Variants in SLC2A9 observed in about 807,000 individuals in gnomAD.
SLC2A9 encodes the protein solute carrier family 2, facilitated glucose transporter member 9.
Under a neutral mutation model 50.6 loss-of-function variants are expected in SLC2A9, and 39 were observed. The ratio of observed to expected loss-of-function variants is 0.77; its 90% CI spans 0.60 to 1.01. SLC2A9 has a LOEUF of 1.01. Among genes scored for constraint, SLC2A9 ranks in the 50% least tolerant of loss-of-function variants. The pLI is 0.00. For synonymous variants in SLC2A9, 324 were observed against 276.9 expected (o/e 1.17, Z -1.69); for missense variants, 686 against 677.6 (o/e 1.01, Z -0.14).
chr4:9,785,935 G>C (rs185006790), intron 3 of SLC2A9, among the ~76,000 whole-genome samples: 49 of 152,268 alleles, frequency 3.2e-4, no homozygotes, highest in Non-Finnish European at 6.5e-4. Context: ...GGTCAGGGGA[G>C]GACTTTCCAA....
intron 1 of SLC2A9, chr4:10,034,092 T>C (rs2109594980): frequency 6.6e-6 from 1 of 152,414 alleles, no homozygotes; most frequent in East Asian, 1.9e-4. Context: ...GAACGTCCCG[T>C]GCTGGATCGG....
At chr4:9,948,460 T>C (rs528505442) in intron 5 of SLC2A9, among the ~76,000 whole-genome samples, 17 of 152,226 alleles carry the variant, frequency 1.1e-4, no homozygotes, top group Non-Finnish European at 2.4e-4. Context: ...CAGTGAATGG[T>C]GGTGCATGGC....
intron 5 of SLC2A9, among the ~76,000 whole-genome samples, chr4:9,966,587 C>T (rs891297685): frequency 2.9e-5 from 4 of 136,280 alleles, no homozygotes; most frequent in South Asian, 2.2e-4. Flanking sequence ...ACCTGGGAGG[C>T]GGGGGTTGAG....
rs10939561 is a variant in SLC2A9, at chr4:9,849,918, T to A, written c.1292-14910A>T. Among the ~76,000 whole-genome samples the A allele has an allele frequency of 2.6e-5, 4 of 151,394 alleles. No individual in the cohort carries two copies. The East Asian group carries it at 5.9e-4, about 22-fold the overall frequency. On this transcript the variant is annotated intron_variant, in intron 10 of 11. Transcript: ENST00000264784. ...ATTCTTCCTTTTTGGATGAGCATGGTGCTGGGAGGGGGTGTTGAAATAGAA... is the reference window on the plus strand; with the variant it reads ...ATTCTTCCTTTTTGGATGAGCATGGAGCTGGGAGGGGGTGTTGAAATAGAA...
intron 1 of SLC2A9, 111 bp from the exon 2 acceptor site, chr4:10,019,184 T>C: frequency 4.6e-6 from 4 of 862,008 alleles, no homozygotes; most frequent in Non-Finnish European, 7.6e-6. Flanking sequence ...GAGAAGTCTT[T>C]GTCCTTGGCT....
upstream of SLC2A9, chr4:10,025,986 GA>G (rs750681563): frequency 6.2e-7 from 1 of 1,613,220 alleles, no homozygotes; most frequent in Admixed American, 1.7e-5. Flanking sequence ...TTCAGGTTTT[GA>G]ACTTTTGTTG....
intron 5 of SLC2A9, among the ~76,000 whole-genome samples, chr4:9,979,841 T>C (rs1297704003): frequency 6.6e-6 from 1 of 152,164 alleles, no homozygotes; most frequent in African/African-American, 2.4e-5. Context: ...CACAGCCATC[T>C]GAGTTCTTTC....
At chr4:9,921,192 G>A (rs1003588181) in intron 6 of SLC2A9, among the ~76,000 whole-genome samples, 10 of 152,138 alleles carry the variant, frequency 6.6e-5, no homozygotes, top group African/African-American at 1.2e-4. Context: ...GAAAACTTGA[G>A]TGGAAATAGT....
At chr4:9,916,439 C>A (rs1742861804) in intron 7 of SLC2A9, among the ~76,000 whole-genome samples, 1 of 152,144 alleles carries the variant, frequency 6.6e-6, no homozygotes, top group Admixed American at 6.5e-5. Flanking sequence ...ACCAAGACTG[C>A]ATATCAGGAA....
chr4:9,899,097 CTCTT>C (rs1739126308), intron 8 of SLC2A9, among the ~76,000 whole-genome samples: 1 of 152,208 alleles, frequency 6.6e-6, no homozygotes, highest in Non-Finnish European at 1.5e-5. Context: ...ACAACTGAGA[CTCTT>C]TCAGAGAGAA....
upstream of SLC2A9, chr4:10,025,702 A>T: frequency 1.7e-6 from 1 of 583,986 alleles, no homozygotes; most frequent in East Asian, 2.9e-5. Flanking sequence ...AGGACTGTCA[A>T]TTTCACTCTT....
intron 10 of SLC2A9, among the ~76,000 whole-genome samples, chr4:9,878,101 C>T (rs539819979): frequency 6.9e-4 from 105 of 152,152 alleles, no homozygotes; most frequent in East Asian, 6.2e-3. Flanking sequence ...CTTTTATCTT[C>T]AACTCCCAGC....
chr4:9,883,651 G>A (rs1577687090), intron 10 of SLC2A9, among the ~76,000 whole-genome samples: 1 of 152,352 alleles, frequency 6.6e-6, no homozygotes, highest in East Asian at 1.9e-4. Context: ...ACAGGACAGA[G>A]CCTGGGAAGC....
At chr4:9,884,118 G>A (rs1735734393) in intron 10 of SLC2A9, among the ~76,000 whole-genome samples, 1 of 152,210 alleles carries the variant, frequency 6.6e-6, no homozygotes, top group Non-Finnish European at 1.5e-5. Context: ...GTGAGACATG[G>A]ATTTCTATTG....
At chr4:9,887,800 G>A (rs1233733617) in intron 9 of SLC2A9, among the ~76,000 whole-genome samples, 158 bp from the exon 10 acceptor site, 2 of 152,148 alleles carry the variant, frequency 1.3e-5, no homozygotes, top group Non-Finnish European at 2.9e-5. Context: ...TGGGAACAAT[G>A]ATAACCCTTC....
intron 4 of SLC2A9, among the ~76,000 whole-genome samples, chr4:9,982,826 C>T (rs189122148): frequency 2.6e-5 from 4 of 152,354 alleles, no homozygotes; most frequent in Admixed American, 2.6e-4. Flanking sequence ...TGGAACTACA[C>T]TAAGTACTTC....
intron 5 of SLC2A9, among the ~76,000 whole-genome samples, chr4:9,957,308 T>C (rs370128459): frequency 5.5e-4 from 83 of 152,108 alleles, no homozygotes; most frequent in African/African-American, 1.9e-3. Flanking sequence ...AATCCAAACC[T>C]CCAAAGAGAA....
chr4:9,941,834 T>C lies in SLC2A9; in HGVS notation c.814+79A>G, dbSNP rs1351151158. ...ATGACAACACCCCTTCCTGTGCCCATTGGCCCAGGTCCCAGCATGCCTTGC... is the reference window on the plus strand; with the variant it reads ...ATGACAACACCCCTTCCTGTGCCCACTGGCCCAGGTCCCAGCATGCCTTGC... On this transcript the variant is annotated intron_variant, in intron 6 of 11. Transcript: ENST00000264784. 2.5e-5 allele frequency: 40 copies of C among 1,596,872 alleles called. No homozygotes were observed. The South Asian group carries it at 4.0e-4, about 16-fold the overall frequency.
At chr4:9,853,867 A>T (rs576582711) in intron 10 of SLC2A9, among the ~76,000 whole-genome samples, 2 of 152,338 alleles carry the variant, frequency 1.3e-5, no homozygotes, top group South Asian at 4.1e-4. Context: ...AATTACATGA[A>T]AATTAAACAA....
Sources: gnomAD v4.1 joint callset for allele counts (sites outside exome capture counted in the v4.1 genomes callset) on GRCh38, gnomAD v4.1.1 for gene constraint, MANE v1.5 for transcripts, NCBI Gene and HGNC (gene_info 2026-07-23, HGNC 2026-07-21) for gene names.